GPRC5B: variants seen among roughly 807,000 people sequenced by gnomAD.
The protein encoded by GPRC5B is G protein-coupled receptor family C group 5 member B.
In GPRC5B, 16 loss-of-function variants were observed where a neutral mutation model predicts 30.1. The ratio of observed to expected loss-of-function variants is 0.53; its 90% CI spans 0.36 to 0.81. The LOEUF is 0.81. Ranked by LOEUF, GPRC5B falls within the 30% of genes least tolerant of loss-of-function variation. The pLI is 0.01. For synonymous variants in GPRC5B, 241 were observed against 239.5 expected (o/e 1.01, Z -0.06); for missense variants, 428 against 544.7 (o/e 0.79, Z 2.13).
In GPRC5B at chr16:19,858,221, A is replaced by G; in HGVS notation, c.*2279T>C. On this transcript the variant is annotated 3_prime_UTR_variant, in exon 4 of 4. Transcript: ENST00000300571. ...GAACAGCTCTCTCCCTTCTCCTCTC[A>G]CTCCCGCCTCCGCCCCCATTATGAA... is the stretch of plus-strand genomic sequence containing the variant. The G allele has an allele frequency of 2.9e-6, 1 of 346,252 alleles. No homozygotes were observed. 21.4% of individuals were successfully genotyped at this position (346,252 alleles called of 1,614,324 possible).
intron 2 of GPRC5B, among the ~76,000 whole-genome samples, chr16:19,869,819 C>T (rs917059182): frequency 1.4e-4 from 21 of 152,238 alleles, no homozygotes; most frequent in African/African-American, 5.1e-4. Context: ...TGCCTGTAAT[C>T]GCAGCACTTT....
rs1441668553 is a variant in GPRC5B, at chr16:19,861,887, T to A, written c.1117A>T (p.Ser373Cys). 1 of 1,613,604 alleles carries A rather than the reference T, an allele frequency of 6.2e-7. No homozygotes were observed. The highest frequency in any genetic ancestry group is 8.5e-7 in the Non-Finnish European group (1 of 1,179,706). Residue 373 changes from serine to cysteine, a missense_variant, in exon 3 of 4, where the codon AGC (serine) becomes TGC (cysteine). This residue lies in a region of GPRC5B where 213 missense variants were observed against 229.1 expected (regional missense o/e 0.93). Coordinates refer to ENST00000300571, the MANE Select transcript of GPRC5B (RefSeq NM_016235.3). ...LGKRPSAPFR[S>C]NVYQPTEMAV... is the part of the protein sequence containing the mutation. ...ATCTCAGTTGGCTGATACACGTTGC[T>A]TCTAAACGGAGCGCTGGGTCTTTTC...
intron 1 of GPRC5B, among the ~76,000 whole-genome samples, chr16:19,874,195 C>T (rs1453983804): frequency 6.6e-6 from 1 of 152,186 alleles, no homozygotes; most frequent in African/African-American, 2.4e-5. Flanking sequence ...GGGAAACCTG[C>T]AGAATTCTCC....
rs1248071054 is a variant in GPRC5B, at chr16:19,857,556, C to A, written c.*2944G>T. 8.1e-6 allele frequency: 3 copies of A among 368,694 alleles called. No individual in the cohort carries two copies. Among genetic ancestry groups the A allele is most frequent in the Non-Finnish European group, 1.5e-5 (3 of 195,318 alleles). The allele number at this position is 368,694 out of a possible 1,614,324, so 22.8% of individuals were successfully genotyped here. On this transcript the variant is annotated 3_prime_UTR_variant, in exon 4 of 4. Transcript: ENST00000300571. The stretch of plus-strand genomic sequence containing the variant: ...CTATCAAAAGTGAGCCTTAGCTCTT[C>A]ATCAGTTAATAAAAAGCACCTGCTG...
At chr16:19,878,421 T>C (rs1341877574) in intron 1 of GPRC5B, among the ~76,000 whole-genome samples, 1 of 151,922 alleles carries the variant, frequency 6.6e-6, no homozygotes. Context: ...TTATCCTGCC[T>C]CAGCCTCCCA....
At chr16:19,885,156 C>T (rs1178004125), upstream of GPRC5B, 8 of 1,240,914 alleles carry the variant, frequency 6.4e-6, no homozygotes, top group East Asian at 4.0e-4. The surrounding 1 kb of genome is among the most constrained non-coding windows in gnomAD (Gnocchi z 5.3). Context: ...GGCAACTCCC[C>T]AGGGTAGATC....
chr16:19,866,697 T>G (rs1228566757), intron 2 of GPRC5B, among the ~76,000 whole-genome samples: 1 of 152,210 alleles, frequency 6.6e-6, no homozygotes, highest in Non-Finnish European at 1.5e-5. Context: ...TTTTACTTGT[T>G]GAACCTACAT....
At position 19,857,362 on chromosome 16, in the gene GPRC5B, A is replaced by G. The variant is rs2056574540; in HGVS notation, c.*3138T>C. 2.4e-6 allele frequency: 1 copy of G among 409,796 alleles called. No individual in the cohort carries two copies. The highest frequency in any genetic ancestry group is 4.7e-6 in the Non-Finnish European group (1 of 214,464). The allele number at this position is 409,796 out of a possible 1,614,324, so 25.4% of individuals were successfully genotyped here. ...TTTTGAAAATAAAACCTATCTGCCCATGGTTTACAGCCTTTTAAATTTGTA... is the reference window on the plus strand; with the variant it reads ...TTTTGAAAATAAAACCTATCTGCCCGTGGTTTACAGCCTTTTAAATTTGTA... On this transcript the variant is annotated 3_prime_UTR_variant, in exon 4 of 4. Coordinates refer to ENST00000300571, the MANE Select transcript of GPRC5B (RefSeq NM_016235.3).
chr16:19,875,256 C>T (rs1005318306), intron 1 of GPRC5B, among the ~76,000 whole-genome samples: 2 of 152,172 alleles, frequency 1.3e-5, no homozygotes, highest in Admixed American at 1.3e-4. Context: ...AGCATTCCGC[C>T]CCAGCATCCT....
chr16:19,884,141 CCCCAG>C (rs1159320442), intron 1 of GPRC5B, among the ~76,000 whole-genome samples: 1 of 130,190 alleles, frequency 7.7e-6, no homozygotes, highest in African/African-American at 2.8e-5. Flanking sequence ...CGTCATTCGT[CCCCAG>C]CCCAGGTCTC....
Position 19,881,207 on chromosome 16 carries a change from A to C in GPRC5B, c.-2+3520T>G, listed in dbSNP as rs557239383. On this transcript the variant is annotated intron_variant, in intron 1 of 3. Coordinates refer to ENST00000300571, the MANE Select transcript of GPRC5B (RefSeq NM_016235.3). ...ACTGGGCATTACTTAACCTCTCTGAACCTCGGTCTCTTCATCTGTAAAATG... is the reference window on the plus strand; with the variant it reads ...ACTGGGCATTACTTAACCTCTCTGACCCTCGGTCTCTTCATCTGTAAAATG... Among the ~76,000 whole-genome samples the C allele has an allele frequency of 5.3e-5, 8 of 152,234 alleles. No homozygotes were observed. The South Asian group carries it at 1.7e-3, about 32-fold the overall frequency.
At chr16:19,867,065 AGCC>A (rs1178100392) in intron 2 of GPRC5B, among the ~76,000 whole-genome samples, 1 of 152,246 alleles carries the variant, frequency 6.6e-6, no homozygotes, top group Non-Finnish European at 1.5e-5. Context: ...GTGTATTTAT[AGCC>A]TATGCTTGAA....
chr16:19,884,092 G>GA (rs2056831317), intron 1 of GPRC5B, among the ~76,000 whole-genome samples: 1 of 49,988 alleles, frequency 2.0e-5, no homozygotes, highest in Admixed American at 1.7e-4. Flanking sequence ...TGCCCCCCCC[G>GA]CCATTGTATG....
intron 1 of GPRC5B, chr16:19,880,893 TCGACCCCAGCCA>T (rs2056802228): frequency 1.8e-5 from 2 of 109,662 alleles, no homozygotes; most frequent in South Asian, 5.3e-4. Flanking sequence ...CTGTGTCCCC[TCGACCCCAGCCA>T]TGTCCCCTCG....
chr16:19,858,386 T>G lies in GPRC5B; in HGVS notation c.*2114A>C. ...CTCAAAGATGGCTCTGTTCTTATGC[T>G]GGGGAAGCACGACTTTCCATGGCAG... is the stretch of plus-strand genomic sequence containing the variant. On this transcript the variant is annotated 3_prime_UTR_variant, in exon 4 of 4. Coordinates refer to ENST00000300571, the MANE Select transcript of GPRC5B (RefSeq NM_016235.3). The G allele has an allele frequency of 4.0e-6, 2 of 498,822 alleles. No individual in the cohort carries two copies. The highest frequency in any genetic ancestry group is 7.2e-6 in the Non-Finnish European group (2 of 278,254). 30.9% of individuals were successfully genotyped at this position (498,822 alleles called of 1,614,324 possible).
At chr16:19,875,778 C>CAATA (rs112522949) in intron 1 of GPRC5B, among the ~76,000 whole-genome samples, 5 of 152,056 alleles carry the variant, frequency 3.3e-5, no homozygotes, top group Admixed American at 6.6e-5. Flanking sequence ...GACTCTGTCT[C>CAATA]AATAAATAAA....
chr16:19,885,627 G>C, upstream of GPRC5B: 1 of 1,007,494 alleles, frequency 9.9e-7, no homozygotes, highest in Non-Finnish European at 1.2e-6. The surrounding 1 kb of genome is among the most constrained non-coding windows in gnomAD (Gnocchi z 5.3). Context: ...CTGCCCTTCA[G>C]GGCTCACACA....
chr16:19,881,513 G>T (rs979845441), intron 1 of GPRC5B, among the ~76,000 whole-genome samples: 4 of 152,222 alleles, frequency 2.6e-5, no homozygotes, highest in African/African-American at 9.6e-5. Flanking sequence ...CAGGCGCGGT[G>T]GCTCATGCCT....
chr16:19,872,534 C>T lies in GPRC5B; in HGVS notation c.312G>A (p.Leu104=). 1.9e-6 allele frequency: 3 copies of T among 1,614,072 alleles called. No homozygotes were observed. Among genetic ancestry groups the T allele is most frequent in the South Asian group, 1.1e-5 (1 of 91,082 alleles). ...GLHFLFLLGT[L]GLFGLTFAFI... ...AGGCAAACGTCAGCCCAAAGAGGCC[C>T]AGGGTCCCCAGGAGGAACAGAAAGT... Residue 104 remains leucine (L), a synonymous_variant, in exon 2 of 4, where the codon CTG becomes CTA. Coordinates refer to ENST00000300571, the MANE Select transcript of GPRC5B (RefSeq NM_016235.3). This position sits in a 1 kb window ranked among gnomAD's most constrained non-coding sequence, Gnocchi z 5.0.
Sources: gnomAD v4.1 joint callset for allele counts (sites outside exome capture counted in the v4.1 genomes callset) on GRCh38, gnomAD v4.1.1 for gene constraint, gnomAD v4.1.1 regional missense constraint, Gnocchi (gnomAD v3.1) non-coding constraint, MANE v1.5 for transcripts, NCBI Gene and HGNC (gene_info 2026-07-23, HGNC 2026-07-21) for gene names.